Variants in XXYLT1 observed in about 807,000 individuals in gnomAD.
The protein encoded by XXYLT1 is UDP-xylose:alpha-xyloside alpha-1,3-xylosyltransferase.
Under a neutral mutation model 28.9 loss-of-function variants are expected in XXYLT1, and 20 were observed. The observed-to-expected ratio is 0.69, with a 90% CI of 0.49 to 1.00. The LOEUF (loss-of-function observed/expected upper bound fraction) is 1.00, where lower values mean the gene tolerates loss of function less well. Among genes scored for constraint, XXYLT1 ranks in the 50% least tolerant of loss-of-function variants. The pLI is 0.00. For missense variants in XXYLT1, 542 were observed against 560.1 expected (o/e 0.97, Z 0.33); for synonymous variants, 257 against 253.8 (o/e 1.01, Z -0.12).
At chr3:195,072,305 G>A (rs758866875) in intron 3 of XXYLT1, among the ~76,000 whole-genome samples, 6 of 152,196 alleles carry the variant, frequency 3.9e-5, no homozygotes, top group South Asian at 2.1e-4. Context: ...GCAGGAACCC[G>A]GAGAGGCTCA....
At chr3:195,215,522 C>T (rs1208945050) in intron 2 of XXYLT1, among the ~76,000 whole-genome samples, 1 of 130,744 alleles carries the variant, frequency 7.6e-6, no homozygotes, top group African/African-American at 2.9e-5. Flanking sequence ...GGTTGCAATC[C>T]TAGTCTCTGA....
intron 1 of XXYLT1, among the ~76,000 whole-genome samples, chr3:195,250,022 C>G (rs1177486058): frequency 9.2e-5 from 14 of 152,188 alleles, no homozygotes; most frequent in Admixed American, 8.5e-4. Flanking sequence ...GAGCCCTCCT[C>G]CTCTGACCCA....
chr3:195,238,028 A>G (rs75554497), intron 1 of XXYLT1, among the ~76,000 whole-genome samples: 2,049 of 152,142 alleles, frequency 0.013, 45 homozygotes, highest in African/African-American at 0.047. Flanking sequence ...AAATAGAGAA[A>G]TTCGTTTTTC....
At chr3:195,169,869 A>ATTT (rs34190474) in intron 2 of XXYLT1, among the ~76,000 whole-genome samples, 5 of 123,232 alleles carry the variant, frequency 4.1e-5, no homozygotes, top group African/African-American at 9.1e-5. Flanking sequence ...ATATATATAT[A>ATTT]TTTTTTTTTT....
At chr3:195,110,372 T>TGTGA (rs1253571476) in intron 3 of XXYLT1, among the ~76,000 whole-genome samples, 10 of 40,176 alleles carry the variant, frequency 2.5e-4, no homozygotes, top group Non-Finnish European at 4.0e-4. Flanking sequence ...CGTGCGTGTG[T>TGTGA]GCTGTATAAG....
In XXYLT1 at chr3:195,210,326, T is replaced by A. The variant is rs1289682741; in HGVS notation, c.652+16383A>T. ...CTGTGTGACACCCACTCACTTGGGG[T>A]CCCTCCACCAACCGGAAGGTGAGCT... On this transcript the variant is annotated intron_variant, in intron 2 of 3. Transcript: ENST00000310380. This position sits in a 1 kb window ranked among gnomAD's most constrained non-coding sequence, Gnocchi z 4.8. Among the ~76,000 whole-genome samples, 1 of 152,052 alleles carries A rather than the reference T, an allele frequency of 6.6e-6. No homozygotes were observed. Among genetic ancestry groups the A allele is most frequent in the African/African-American group, 2.4e-5 (1 of 41,396 alleles).
intron 2 of XXYLT1, among the ~76,000 whole-genome samples, chr3:195,218,758 G>A (rs1450548848): frequency 2.0e-5 from 3 of 150,576 alleles, no homozygotes; most frequent in African/African-American, 7.3e-5. Context: ...TCAGTGTGGC[G>A]ATTCCTCAGG....
rs1221377971 is a variant in XXYLT1, at chr3:195,226,844, C to T, written c.517G>A (p.Asp173Asn). 2 of 1,613,430 alleles carry T rather than the reference C, an allele frequency of 1.2e-6. No homozygotes were observed. The highest frequency in any genetic ancestry group is 1.7e-5 in the Admixed American group (1 of 59,864). The part of the protein sequence containing the change: ...AGFKCKVIFH[D>N]VAVLTDKLFP... Reference sequence around the variant, plus strand: ...AGCTTATCCGTCAGCACAGCAACATCGTGGAAGATGACCTGCAGCAGGTGC... The same window carrying T: ...AGCTTATCCGTCAGCACAGCAACATTGTGGAAGATGACCTGCAGCAGGTGC... The change falls in exon 2 of 4, where the codon GAT (aspartate) becomes AAT (asparagine). Residue 173 changes from aspartate to asparagine, a missense_variant. Physicochemically the swap from Asp to Asn is conservative, Grantham distance 23. Transcript: ENST00000310380.
chr3:195,259,264 T>A (rs146478317), intron 1 of XXYLT1, among the ~76,000 whole-genome samples: 333 of 152,378 alleles, frequency 2.2e-3, no homozygotes, highest in Middle Eastern at 6.8e-3. Flanking sequence ...ACACATTAAC[T>A]TAACAGCAGG....
chr3:195,238,778 C>G (rs1468015576), intron 1 of XXYLT1, among the ~76,000 whole-genome samples: 2 of 152,202 alleles, frequency 1.3e-5, no homozygotes, highest in Non-Finnish European at 2.9e-5. Flanking sequence ...CCTAAGCCAG[C>G]TTTTCCCTCC....
Position 195,186,896 on chromosome 3 carries a change from GTTTT to G in XXYLT1, c.653-30319_653-30316del, listed in dbSNP as rs756410119. ...CCTCTAACCCACAACACTGGCTGAA[GTTTT>G]TTTTTTTTTTTTGAAACAGACTCTT... On this transcript the variant is annotated intron_variant, in intron 2 of 3. Coordinates refer to ENST00000310380, the MANE Select transcript of XXYLT1 (RefSeq NM_152531.5). Among the ~76,000 whole-genome samples, 3 of 137,154 alleles carry G rather than the reference GTTTT, an allele frequency of 2.2e-5. No individual in the cohort carries two copies. The Admixed American group carries it at 2.2e-4, about 10-fold the overall frequency. The allele number at this position is 137,154 out of a possible 152,430, so 90.0% of individuals were successfully genotyped here.
At chr3:195,131,031 G>T (rs1489743606) in intron 3 of XXYLT1, among the ~76,000 whole-genome samples, 1 of 152,116 alleles carries the variant, frequency 6.6e-6, no homozygotes, top group Non-Finnish European at 1.5e-5. Flanking sequence ...GACCATTCAG[G>T]TCCCTCCTTC....
chr3:195,254,390 G>T (rs1725396660), intron 1 of XXYLT1, among the ~76,000 whole-genome samples: 1 of 152,232 alleles, frequency 6.6e-6, no homozygotes, highest in African/African-American at 2.4e-5. Flanking sequence ...CCGGAAGCTT[G>T]TTCCTTTTCC....
intron 3 of XXYLT1, among the ~76,000 whole-genome samples, chr3:195,097,288 C>A (rs1362417541): frequency 6.6e-6 from 1 of 152,110 alleles, no homozygotes; most frequent in Non-Finnish European, 1.5e-5. Flanking sequence ...CTGACATTTA[C>A]TAAATGCCAG....
At position 195,240,570 on chromosome 3, in the gene XXYLT1, C is replaced by A. The variant is rs544753994; in HGVS notation, c.505-13714G>T. On this transcript the variant is annotated intron_variant, in intron 1 of 3. Coordinates refer to ENST00000310380, the MANE Select transcript of XXYLT1 (RefSeq NM_152531.5). The surrounding 1 kb of genome is among the most constrained non-coding windows in gnomAD (Gnocchi z 4.7). The stretch of plus-strand genomic sequence containing the variant: ...GGCTGGCCCCACGCACGGAAAGATG[C>A]CAGGTTTCCCGGAAATCCCAAGGCC... 6.6e-6 allele frequency among the ~76,000 whole-genome samples: 1 copy of A among 152,288 alleles called. No homozygotes were observed. Among genetic ancestry groups the A allele is most frequent in the Non-Finnish European group, 1.5e-5 (1 of 68,056 alleles).
chr3:195,221,621 A>G (rs1236186719), intron 2 of XXYLT1, among the ~76,000 whole-genome samples: 1 of 152,182 alleles, frequency 6.6e-6, no homozygotes, highest in African/African-American at 2.4e-5. Context: ...CATGCGCCCT[A>G]GCACAGCCCA....
chr3:195,231,241 T>G (rs1199955931), intron 1 of XXYLT1, among the ~76,000 whole-genome samples: 2 of 152,214 alleles, frequency 1.3e-5, no homozygotes, highest in African/African-American at 4.8e-5. Flanking sequence ...CTTTACTAAA[T>G]GTATTGATTA....
At chr3:195,268,585 C>A (rs1231820948) in intron 1 of XXYLT1, among the ~76,000 whole-genome samples, 1 of 135,170 alleles carries the variant, frequency 7.4e-6, no homozygotes, top group African/African-American at 2.8e-5. Context: ...GCAACAAGAG[C>A]GAAACTCCAT....
intron 1 of XXYLT1, among the ~76,000 whole-genome samples, chr3:195,248,168 A>G (rs1464615242): frequency 6.6e-6 from 1 of 151,828 alleles, no homozygotes; most frequent in African/African-American, 2.4e-5. Flanking sequence ...CGGACCAACC[A>G]CTTAGATACT....
Sources: allele counts gnomAD v4.1 joint callset (sites outside exome capture counted in the v4.1 genomes callset), GRCh38; gene constraint gnomAD v4.1.1; non-coding constraint Gnocchi (gnomAD v3.1); transcripts MANE v1.5; gene names NCBI Gene and HGNC (gene_info 2026-07-23, HGNC 2026-07-21).